NCAM2: variants seen among roughly 807,000 people sequenced by gnomAD.
NCAM2 encodes the protein N-CAM-2.
In NCAM2, 30 loss-of-function variants were observed where a neutral mutation model predicts 98.1. That is an observed-to-expected ratio of 0.31 (90% CI 0.23 to 0.41). The LOEUF (loss-of-function observed/expected upper bound fraction) is 0.41. NCAM2 is among the 10% of genes least tolerant of loss of function. NCAM2 has a pLI of 1.00. For synonymous variants in NCAM2, 368 were observed against 342.4 expected, an observed-to-expected ratio of 1.07 and a Z score of -0.83; for missense variants, 867 against 1,005.8, an observed-to-expected ratio of 0.86 and a Z score of 1.87.
intron 1 of NCAM2, among the ~76,000 whole-genome samples, chr21:21,248,741 C>A (rs1332434631): frequency 8.7e-6 from 1 of 115,350 alleles, no homozygotes; most frequent in Non-Finnish European, 1.6e-5. Context: ...TGTGCCACTG[C>A]ATTCCAGCCT....
intron 1 of NCAM2, among the ~76,000 whole-genome samples, chr21:21,088,847 C>T (rs2065955571): frequency 6.6e-6 from 1 of 151,998 alleles, no homozygotes; most frequent in Non-Finnish European, 1.5e-5. Context: ...TGGCGGGCGC[C>T]TGTAGTCCCA....
intron 5 of NCAM2, among the ~76,000 whole-genome samples, chr21:21,311,395 C>T (rs1312215955): frequency 1.5e-5 from 2 of 136,996 alleles, no homozygotes; most frequent in African/African-American, 5.7e-5. Flanking sequence ...GGCTGGAGTG[C>T]AATGATGCAA....
intron 1 of NCAM2, among the ~76,000 whole-genome samples, chr21:21,031,234 A>G (rs923157298): frequency 1.3e-5 from 2 of 152,188 alleles, no homozygotes; most frequent in Non-Finnish European, 2.9e-5. Context: ...GCCATTTTAA[A>G]TTTCAAGTTT....
At chr21:21,198,605 C>T (rs1192294955) in intron 1 of NCAM2, among the ~76,000 whole-genome samples, 1 of 152,124 alleles carries the variant, frequency 6.6e-6, no homozygotes, top group Non-Finnish European at 1.5e-5. Flanking sequence ...TGACTCTTGT[C>T]CTCAAGATTC....
intron 1 of NCAM2, among the ~76,000 whole-genome samples, chr21:21,005,504 T>A (rs1196179876): frequency 3.3e-5 from 5 of 152,178 alleles, no homozygotes; most frequent in Non-Finnish European, 5.9e-5. Flanking sequence ...ATGGCACATC[T>A]AGATAAAAAT....
chr21:21,297,866 A>AT (rs2073549404), intron 5 of NCAM2, among the ~76,000 whole-genome samples: 1 of 151,840 alleles, frequency 6.6e-6, no homozygotes, highest in South Asian at 2.1e-4. Flanking sequence ...TATTTTGTAA[A>AT]TTTGTAAAGA....
At chr21:21,119,238 C>T (rs78351767) in intron 1 of NCAM2, among the ~76,000 whole-genome samples, 5,318 of 152,130 alleles carry the variant, frequency 0.035, 145 homozygotes, top group Admixed American at 0.06. Context: ...ATAGTCCTTT[C>T]GTTACTTTAA....
Position 21,030,444 on chromosome 21 carries a change from T to C in NCAM2, c.55+31826T>C, listed in dbSNP as rs539632723. Among the ~76,000 whole-genome samples the C allele has an allele frequency of 9.2e-5, 14 of 152,336 alleles. No individual in the cohort carries two copies. The South Asian group carries it at 2.9e-3, about 32-fold the overall frequency. On this transcript the variant is annotated intron_variant, in intron 1 of 17. Coordinates refer to ENST00000400546, the MANE Select transcript of NCAM2 (RefSeq NM_004540.5). ...CAGAAGTTTCCCTCCTCTTCTGTCA[T>C]CACGTCTTCATCTGAATGACCTGCC...
intron 1 of NCAM2, among the ~76,000 whole-genome samples, chr21:21,189,682 T>G (rs969242733): frequency 3.7e-4 from 57 of 152,360 alleles, no homozygotes; most frequent in African/African-American, 1.1e-3. Context: ...CTGATTATTT[T>G]TATATTGCTC....
At chr21:21,250,970 T>A (rs139077446) in intron 1 of NCAM2, among the ~76,000 whole-genome samples, 1 of 152,272 alleles carries the variant, frequency 6.6e-6, no homozygotes, top group Non-Finnish European at 1.5e-5. Context: ...AGATTATATG[T>A]CCTCCACTAG....
chr21:21,507,586 G>T (rs1043385016), intron 15 of NCAM2, among the ~76,000 whole-genome samples: 2 of 152,036 alleles, frequency 1.3e-5, no homozygotes, highest in African/African-American at 4.8e-5. Flanking sequence ...GAGGTCAGGA[G>T]ATCGAGACCA....
intron 9 of NCAM2, among the ~76,000 whole-genome samples, chr21:21,392,738 A>C (rs1389631572): frequency 1.3e-5 from 2 of 152,132 alleles, no homozygotes; most frequent in South Asian, 4.1e-4. Flanking sequence ...TGTTGGCCAC[A>C]TGTATGTCCT....
chr21:21,337,368 C>T (rs1360404028), intron 7 of NCAM2, among the ~76,000 whole-genome samples: 1 of 151,866 alleles, frequency 6.6e-6, no homozygotes, highest in Admixed American at 6.6e-5. Context: ...TTTTGTTGCT[C>T]CTGACACAAA....
intron 1 of NCAM2, among the ~76,000 whole-genome samples, chr21:21,129,160 A>G (rs1462570445): frequency 6.6e-6 from 1 of 152,190 alleles, no homozygotes; most frequent in East Asian, 1.9e-4. Context: ...TTATAATGTG[A>G]AAACTTTTAA....
chr21:21,348,790 C>T (rs1285801297), intron 8 of NCAM2, among the ~76,000 whole-genome samples: 1 of 152,076 alleles, frequency 6.6e-6, no homozygotes, highest in South Asian at 2.1e-4. Context: ...CACACAACTA[C>T]AGTGAACCCA....
In NCAM2 at chr21:21,088,971, A is replaced by AG. The variant is rs2065959423; in HGVS notation, c.55+90353_55+90354insG. 5.7e-5 allele frequency among the ~76,000 whole-genome samples: 4 copies of AG among 69,674 alleles called. 1 individual carries two copies. In the South Asian group the frequency reaches 1.8e-3, roughly 31 times the overall value. 45.7% of individuals were successfully genotyped at this position (69,674 alleles called of 152,430 possible). ...GGGCGACAGAGCGAAACTCTGTCTC[A>AG]AAAAAAAAAAAGAAGAGACATCCAC... is the stretch of plus-strand genomic sequence containing the variant. On this transcript the variant is annotated intron_variant, in intron 1 of 17. Coordinates refer to ENST00000400546, the MANE Select transcript of NCAM2 (RefSeq NM_004540.5).
chr21:21,381,440 G>T (rs1569000406), intron 9 of NCAM2, among the ~76,000 whole-genome samples: 1 of 151,228 alleles, frequency 6.6e-6, no homozygotes, highest in Admixed American at 6.6e-5. Context: ...GCCTTCTATT[G>T]AGTTATTCGA....
At chr21:21,082,228 A>T (rs529657293) in intron 1 of NCAM2, among the ~76,000 whole-genome samples, 9 of 149,504 alleles carry the variant, frequency 6.0e-5, no homozygotes, top group African/African-American at 2.0e-4. Context: ...AATCCTTTAA[A>T]AAAAAAAAAA....
intron 12 of NCAM2, among the ~76,000 whole-genome samples, chr21:21,440,518 C>T (rs960465265): frequency 6.6e-6 from 1 of 151,610 alleles, no homozygotes; most frequent in Non-Finnish European, 1.5e-5. Context: ...CTCATATTGA[C>T]AAAAATACAA....
Sources: allele counts gnomAD v4.1 joint callset (sites outside exome capture counted in the v4.1 genomes callset), GRCh38; gene constraint gnomAD v4.1.1; transcripts MANE v1.5; gene names NCBI Gene and HGNC (gene_info 2026-07-23, HGNC 2026-07-21).